Variants in RIMKLA observed in about 807,000 individuals in gnomAD.
RIMKLA encodes the protein ribosomal modification protein rimK like family member A, also known as N-acetylaspartylglutamate synthase A.
RIMKLA carries 14 observed loss-of-function variants against 32.7 expected under a neutral mutation model. The observed-to-expected ratio is 0.43, with a 90% confidence interval of 0.28 to 0.67. The LOEUF (loss-of-function observed/expected upper bound fraction) is 0.67. RIMKLA is among the 30% of genes least tolerant of loss of function. The pLI, the probability that RIMKLA is intolerant of heterozygous loss-of-function variation, is 0.18. For missense variants in RIMKLA, 410 were observed against 519.0 expected, an observed-to-expected ratio of 0.79 and a Z score of 2.04; for synonymous variants, 176 against 204.1, an observed-to-expected ratio of 0.86 and a Z score of 1.18.
In RIMKLA at chr1:42,416,509, C is replaced by A. The variant is rs943904174; in HGVS notation, c.*1535C>A. 6.8e-6 allele frequency: 1 copy of A among 147,900 alleles called. No homozygotes were observed. The highest frequency in any genetic ancestry group is 2.5e-5 in the African/African-American group (1 of 39,332). The allele number at this position is 147,900 out of a possible 1,614,324, so 9.2% of individuals were successfully genotyped here. ...TCTTTAGCTGTTAAAAAAAAAAAAT[C>A]ATTCCTCAAAAAATAGATCTACCCT... On this transcript the variant is annotated 3_prime_UTR_variant, in exon 5 of 5. Transcript: ENST00000431473.
At position 42,414,877 on chromosome 1, in the gene RIMKLA, A is replaced by G. The variant is rs563282299; in HGVS notation, c.1079A>G (p.Asp360Gly). The change falls in exon 5 of 5, where the codon GAT becomes GGT. Residue 360 changes from aspartate to glycine, a missense_variant. Coordinates refer to ENST00000431473, the MANE Select transcript of RIMKLA (RefSeq NM_173642.4). ...ESEPELGEIR[D>G]SSASTMGAPP... ...GAGCCTGAACTGGGAGAGATCCGGG[A>G]TTCCTCAGCAAGCACAATGGGGGCC... 5.0e-6 allele frequency: 8 copies of G among 1,614,166 alleles called. No homozygotes were observed. In the East Asian group the frequency reaches 1.8e-4, roughly 36 times the overall value.
intron 3 of RIMKLA, among the ~76,000 whole-genome samples, chr1:42,406,951 G>A (rs1249139366): frequency 2.0e-5 from 3 of 150,288 alleles, no homozygotes; most frequent in African/African-American, 2.5e-5. Context: ...ATATGCTCTC[G>A]CTGGACTGCA....
At chr1:42,413,251 C>G (rs1174704972) in intron 4 of RIMKLA, among the ~76,000 whole-genome samples, 1 of 151,998 alleles carries the variant, frequency 6.6e-6, no homozygotes, top group African/African-American at 2.4e-5. Flanking sequence ...CCTGAAATCC[C>G]AGCACTTTGG....
At chr1:42,385,158 C>T (rs1341913999) in intron 1 of RIMKLA, among the ~76,000 whole-genome samples, 1 of 152,138 alleles carries the variant, frequency 6.6e-6, no homozygotes, top group East Asian at 1.9e-4. Flanking sequence ...CATAGTAGGC[C>T]TTCCGTTAAT....
At chr1:42,397,422 G>A (rs977989072) in intron 1 of RIMKLA, among the ~76,000 whole-genome samples, 5 of 152,332 alleles carry the variant, frequency 3.3e-5, no homozygotes, top group Admixed American at 2.6e-4. Context: ...TCTGTAGACT[G>A]TGTTTTAAAG....
chr1:42,412,733 T>C, intron 4 of RIMKLA: 1 of 378,618 alleles, frequency 2.6e-6, no homozygotes, highest in South Asian at 2.1e-5. Flanking sequence ...ACCTGGCGTT[T>C]GCCTCTTTTT....
chr1:42,402,429 G>A (rs1414604882), intron 2 of RIMKLA, among the ~76,000 whole-genome samples: 1 of 152,142 alleles, frequency 6.6e-6, no homozygotes, highest in Non-Finnish European at 1.5e-5. Flanking sequence ...TGACCGAGGA[G>A]GAAGATCATT....
chr1:42,408,935 T>G (rs1368730733), intron 3 of RIMKLA, among the ~76,000 whole-genome samples: 1 of 152,002 alleles, frequency 6.6e-6, no homozygotes, highest in Non-Finnish European at 1.5e-5. Flanking sequence ...TGGCCGGTTA[T>G]GGTGACTCAC....
rs1259137372 is a variant in RIMKLA, at chr1:42,423,811, C to A, written c.*8837C>A. Among the ~76,000 whole-genome samples the A allele has an allele frequency of 6.6e-6, 1 of 152,216 alleles. No individual in the cohort carries two copies. The highest frequency in any genetic ancestry group is 2.4e-5 in the African/African-American group (1 of 41,466). Reference sequence around the variant, plus strand: ...CTGCAGCTGCTGCTTTCACTAATGGCACTTCTTAAATCTGGTGAGAGGCTT... The same window carrying A: ...CTGCAGCTGCTGCTTTCACTAATGGAACTTCTTAAATCTGGTGAGAGGCTT... On this transcript the variant is annotated 3_prime_UTR_variant, in exon 5 of 5. Transcript: ENST00000431473.
intron 1 of RIMKLA, among the ~76,000 whole-genome samples, chr1:42,388,476 A>G (rs1338795973): frequency 6.7e-6 from 1 of 148,818 alleles, no homozygotes; most frequent in Non-Finnish European, 1.5e-5. Flanking sequence ...AAGTGCTAGG[A>G]TTACAGGCAT....
At chr1:42,402,744 C>A (rs868387173) in intron 2 of RIMKLA, among the ~76,000 whole-genome samples, 1 of 152,064 alleles carries the variant, frequency 6.6e-6, no homozygotes, top group Admixed American at 6.6e-5. Context: ...ATGTGCACCA[C>A]CACACCCAGC....
chr1:42,401,840 G>A (rs1643100097), intron 2 of RIMKLA, among the ~76,000 whole-genome samples: 1 of 152,144 alleles, frequency 6.6e-6, no homozygotes. Flanking sequence ...AATTGAGCAT[G>A]TTTAAAATGC....
At chr1:42,389,690 C>T (rs1308154599) in intron 1 of RIMKLA, among the ~76,000 whole-genome samples, 1 of 151,860 alleles carries the variant, frequency 6.6e-6, no homozygotes, top group African/African-American at 2.4e-5. Context: ...GGTGCGCGCC[C>T]ATAATCCCAG....
chr1:42,413,521 AAAAG>A (rs1282948558), intron 4 of RIMKLA, among the ~76,000 whole-genome samples: 155 of 151,276 alleles, frequency 1.0e-3, no homozygotes, highest in Middle Eastern at 3.4e-3. Context: ...AAAAAAAAAA[AAAAG>A]AAAGAAAAAA....
rs1034798149 is a variant in RIMKLA at position 42,421,635 on chromosome 1, G to A, written c.*6661G>A. The A allele has an allele frequency of 2.0e-5, 3 of 152,252 alleles. No homozygotes were observed. The highest frequency in any genetic ancestry group is 4.8e-5 in the African/African-American group (2 of 41,430). 9.4% of individuals were successfully genotyped at this position (152,252 alleles called of 1,614,324 possible). ...GGTCACTGTGGAGGCAGGACTAGGC[G>A]GGTGCCTGGTTTGCTTAGTCCCACC... On this transcript the variant is annotated 3_prime_UTR_variant, in exon 5 of 5. Coordinates refer to ENST00000431473, the MANE Select transcript of RIMKLA (RefSeq NM_173642.4). This position sits in a 1 kb window ranked among gnomAD's most constrained non-coding sequence, Gnocchi z 4.6.
chr1:42,413,501 C>CAAAAAAAAAAA (rs201462707), intron 4 of RIMKLA, among the ~76,000 whole-genome samples: 25 of 125,484 alleles, frequency 2.0e-4, no homozygotes, highest in East Asian at 6.0e-4. Flanking sequence ...AAGAGTCTCT[C>CAAAAAAAAAAA]AAAAAAAAAA....
At position 42,381,055 on chromosome 1, in the gene RIMKLA, CT is replaced by C; in HGVS notation, c.123del (p.Met42TrpfsTer17). On this transcript the variant is annotated frameshift_variant, in exon 1 of 5. Coordinates refer to ENST00000431473, the MANE Select transcript of RIMKLA (RefSeq NM_173642.4). LOFTEE classifies it high-confidence loss of function. Reference protein sequence around the residue: ...SEQDVRFRAVLMDQIAVTIVG... With the variant: ...SEQDVRFRAVXMDQIAVTIVG... ...GCAGGACGTGCGCTTCCGGGCGGTG[CT>C]TATGGACCAGATCGCCGTCACCATC... The C allele has an allele frequency of 7.6e-7, 1 of 1,314,794 alleles. No individual in the cohort carries two copies. Among genetic ancestry groups the C allele is most frequent in the Non-Finnish European group, 9.7e-7 (1 of 1,027,312 alleles). 81.4% of individuals were successfully genotyped at this position (1,314,794 alleles called of 1,614,324 possible).
rs1428477375 is a variant in RIMKLA at position 42,417,934 on chromosome 1, T to TC, written c.*2961dup. 4 of 76,078 alleles carry TC rather than the reference T, an allele frequency of 5.3e-5. No individual in the cohort carries two copies. Among genetic ancestry groups the TC allele is most frequent in the African/African-American group, 2.1e-4 (4 of 19,492 alleles). The allele number at this position is 76,078 out of a possible 1,614,324, so 4.7% of individuals were successfully genotyped here. A position where few individuals can be genotyped will look rare whatever the true frequency, so the allele number is the denominator to read the frequency against. On this transcript the variant is annotated 3_prime_UTR_variant, in exon 5 of 5. Transcript: ENST00000431473. ...CTGGGTGACAGAGCGAGACTCCGTC[T>TC]CAAAAAAAAAAAAAAAAAGCCACAC... is the stretch of plus-strand genomic sequence containing the variant.
At chr1:42,407,717 G>A (rs1394413229) in intron 3 of RIMKLA, among the ~76,000 whole-genome samples, 2 of 152,124 alleles carry the variant, frequency 1.3e-5, no homozygotes, top group Non-Finnish European at 2.9e-5. Context: ...CTTGATTACT[G>A]TAACTTTATA....
Sources: allele counts gnomAD v4.1 joint callset (sites outside exome capture counted in the v4.1 genomes callset), GRCh38; gene constraint gnomAD v4.1.1; non-coding constraint Gnocchi (gnomAD v3.1); transcripts MANE v1.5; gene names NCBI Gene and HGNC (gene_info 2026-07-23, HGNC 2026-07-21).